The following AHI1 variants were observed in gnomAD, a reference collection of about 807,000 sequenced individuals.
The protein encoded by AHI1 is Abelson helper integration site 1, also known as jouberin.
AHI1 carries 123 observed loss-of-function variants against 149.3 expected under a neutral mutation model. The observed-to-expected ratio is 0.82, with a 90% CI of 0.71 to 0.96. AHI1 has a LOEUF of 0.96. AHI1 is among the 40% of genes least tolerant of loss of function. The pLI is 0.00. For missense variants in AHI1, 1,439 were observed against 1,422.7 expected (o/e 1.01, Z -0.18); for synonymous variants, 475 against 459.8 (o/e 1.03, Z -0.42).
chr6:135,286,815 T>G (rs189405842), intron 28 of AHI1, among the ~76,000 whole-genome samples: 1 of 152,278 alleles, frequency 6.6e-6, no homozygotes, highest in Non-Finnish European at 1.5e-5. Flanking sequence ...GTGAAGCTCA[T>G]GAATGCACAT....
chr6:135,326,101 T>C (rs1434455104), intron 24 of AHI1, among the ~76,000 whole-genome samples: 1 of 152,236 alleles, frequency 6.6e-6, no homozygotes, highest in Non-Finnish European at 1.5e-5. Flanking sequence ...CAATTTTGCA[T>C]GGCCCACTAG....
At chr6:135,385,620 T>C (rs539823055) in intron 23 of AHI1, among the ~76,000 whole-genome samples, 5 of 152,340 alleles carry the variant, frequency 3.3e-5, no homozygotes, top group Non-Finnish European at 7.3e-5. Context: ...TGGAGGGCTG[T>C]AGTAGATATA....
At chr6:135,495,594 T>C (rs1795848248) in intron 3 of AHI1, 1 of 152,278 alleles carries the variant, frequency 6.6e-6, no homozygotes, top group Non-Finnish European at 1.5e-5. Flanking sequence ...TTAATCTTTG[T>C]AGCTCCCTCT....
rs371891688 is a variant in AHI1 at position 135,429,921 on chromosome 6, T to C, written c.2453A>G (p.His818Arg). The change falls in exon 18 of 29, where the codon CAT (histidine) becomes CGT (arginine). Residue 818 changes from histidine to arginine, a missense_variant. Physicochemically the swap from His to Arg is conservative, Grantham distance 29. Coordinates refer to ENST00000265602, the MANE Select transcript of AHI1 (RefSeq NM_001134831.2). ...IHPNGKRLLI[H>R]TKDSTLRIMD... ...AATTCTCAAAGTACTGTCTTTGGTA[T>C]GGATTAACAAACGTTTTCCATTGGG... is the stretch of plus-strand genomic sequence containing the variant. 8.2e-6 allele frequency: 13 copies of C among 1,590,034 alleles called. No individual in the cohort carries two copies. The Admixed American group carries it at 1.4e-4, about 17-fold the overall frequency.
At chr6:135,497,523 C>G (rs940394712) in intron 1 of AHI1, 60 bp downstream of exon 1, 2 of 152,896 alleles carry the variant, frequency 1.3e-5, no homozygotes, top group African/African-American at 4.8e-5. Context: ...AGGAGAGGGC[C>G]GGGCAGGCCG....
intron 12 of AHI1, 104 bp from the exon 13 acceptor site, chr6:135,447,264 T>C: frequency 1.2e-6 from 1 of 817,660 alleles, no homozygotes; most frequent in Non-Finnish European, 1.7e-6. Flanking sequence ...GAAAATATTT[T>C]CAAAATGTAA....
rs1213015675 is a variant in AHI1, at chr6:135,361,650, C to T, written c.3110-3463G>A. 1.2e-3 allele frequency among the ~76,000 whole-genome samples: 35 copies of T among 28,920 alleles called. No homozygotes were observed. In the African/African-American group the frequency reaches 0.013, roughly 11 times the overall value. The allele number at this position is 28,920 out of a possible 152,430, so 19.0% of individuals were successfully genotyped here. ...GGAGGTACCTAGGTATGGTTTCACA[C>T]ACACACACACACACACACACACACA... On this transcript the variant is annotated intron_variant, in intron 23 of 28. Transcript: ENST00000265602.
In AHI1 at chr6:135,302,211, C is replaced by T. The variant is rs748786626; in HGVS notation, c.3427-1653G>A. On this transcript the variant is annotated intron_variant, in intron 26 of 28. Coordinates refer to ENST00000265602, the MANE Select transcript of AHI1 (RefSeq NM_001134831.2). ...CTCTCTTTGCCCATGGCAAGACCAG[C>T]AACTTACCATCAATATAGGTATATA... The T allele has an allele frequency of 3.1e-4, 307 of 985,362 alleles. 1 individual carries two copies. The highest frequency in any genetic ancestry group is 3.6e-4 in the Non-Finnish European group (299 of 829,912). The allele number at this position is 985,362 out of a possible 1,614,324, so 61.0% of individuals were successfully genotyped here.
At chr6:135,404,350 G>C (rs1780448872) in intron 22 of AHI1, among the ~76,000 whole-genome samples, 1 of 152,138 alleles carries the variant, frequency 6.6e-6, no homozygotes, top group Non-Finnish European at 1.5e-5. Context: ...TACTAATCGA[G>C]AGCCTTTTTG....
intron 26 of AHI1, among the ~76,000 whole-genome samples, chr6:135,303,622 T>C (rs1047152545): frequency 1.3e-5 from 2 of 152,172 alleles, no homozygotes; most frequent in East Asian, 3.9e-4. Flanking sequence ...AGCACCATTC[T>C]CTTATTTTAC....
intron 27 of AHI1, among the ~76,000 whole-genome samples, chr6:135,297,796 T>C (rs537797730): frequency 3.9e-5 from 6 of 152,154 alleles, no homozygotes; most frequent in Admixed American, 6.5e-5. Context: ...GACTATAAAC[T>C]ACCTCCTCAT....
rs1781597706 is a variant in AHI1 at position 135,411,560 on chromosome 6, C to T, written c.2765-16G>A. Reference sequence around the variant, plus strand: ...TGCTGGGCAACTGAAGAAATGAATCCATAATTAGTTAAATCATCATAGCAA... The same window carrying T: ...TGCTGGGCAACTGAAGAAATGAATCTATAATTAGTTAAATCATCATAGCAA... On this transcript the variant is annotated splice_polypyrimidine_tract_variant and intron_variant, in intron 20 of 28. Transcript: ENST00000265602. The T allele has an allele frequency of 2.6e-6, 4 of 1,539,338 alleles. No individual in the cohort carries two copies. Among genetic ancestry groups the T allele is most frequent in the Non-Finnish European group, 3.5e-6 (4 of 1,143,490 alleles).
chr6:135,380,180 TATA>T (rs916047034), intron 23 of AHI1, among the ~76,000 whole-genome samples: 11 of 151,936 alleles, frequency 7.2e-5, no homozygotes, highest in Non-Finnish European at 1.5e-4. Context: ...GCTTTGTCGT[TATA>T]ATGTTTTTAT....
chr6:135,363,129 G>A (rs979609278), intron 23 of AHI1, among the ~76,000 whole-genome samples: 3 of 151,598 alleles, frequency 2.0e-5, no homozygotes, highest in Non-Finnish European at 4.4e-5. Context: ...GACAATAGTG[G>A]AGGGAAGGTC....
At chr6:135,401,659 C>T in intron 22 of AHI1, among the ~76,000 whole-genome samples, 1 of 152,138 alleles carries the variant, frequency 6.6e-6, no homozygotes, top group East Asian at 1.9e-4. Flanking sequence ...GAAAGTGGAC[C>T]TATCCATCAT....
chr6:135,478,613 G>C (rs1480901048), intron 5 of AHI1, among the ~76,000 whole-genome samples: 1 of 152,228 alleles, frequency 6.6e-6, no homozygotes, highest in African/African-American at 2.4e-5. Context: ...GGGAAGCAGA[G>C]CACGAAAGTT....
At chr6:135,485,832 A>T (rs1056081492) in intron 5 of AHI1, among the ~76,000 whole-genome samples, 1 of 152,154 alleles carries the variant, frequency 6.6e-6, no homozygotes, top group African/African-American at 2.4e-5. Flanking sequence ...CACACTGTAC[A>T]CTACACACTG....
At chr6:135,423,721 TTTGTC>T (rs1040370187) in intron 20 of AHI1, among the ~76,000 whole-genome samples, 1 of 152,068 alleles carries the variant, frequency 6.6e-6, no homozygotes, top group Non-Finnish European at 1.5e-5. Context: ...TTAATAAAGA[TTTGTC>T]TTGTCTAAGA....
In AHI1 at chr6:135,296,793, G is replaced by C. The variant is rs184674629; in HGVS notation, c.3485+3707C>G. Among the ~76,000 whole-genome samples the C allele has an allele frequency of 1.2e-3, 190 of 152,272 alleles. 1 individual carries two copies. Among genetic ancestry groups the C allele is most frequent in the African/African-American group, 4.3e-3 (177 of 41,546 alleles). ...GTAAATAAAATGTTAGCTCCTTATA[G>C]CAGGGATTTTTTATCTGTTTACTGC... On this transcript the variant is annotated intron_variant, in intron 27 of 28. Coordinates refer to ENST00000265602, the MANE Select transcript of AHI1 (RefSeq NM_001134831.2).
Sources: allele counts gnomAD v4.1 joint callset (sites outside exome capture counted in the v4.1 genomes callset), GRCh38; gene constraint gnomAD v4.1.1; transcripts MANE v1.5; gene names NCBI Gene and HGNC (gene_info 2026-07-23, HGNC 2026-07-21).